UBE3C: variants seen among roughly 807,000 people sequenced by gnomAD.
UBE3C encodes the protein ubiquitin-protein ligase E3C.
A neutral mutation model predicts 129.4 loss-of-function variants in UBE3C; 42 were observed. The ratio of observed to expected loss-of-function variants is 0.32; its 90% CI spans 0.25 to 0.42. The LOEUF (loss-of-function observed/expected upper bound fraction) is 0.42, where lower values mean the gene tolerates loss of function less well. Ranked by LOEUF, UBE3C falls within the 10% of genes least tolerant of loss-of-function variation. UBE3C has a pLI of 1.00. For missense variants in UBE3C, 1,049 were observed against 1,319.1 expected (o/e 0.80, Z 3.17); for synonymous variants, 510 against 492.4 (o/e 1.04, Z -0.47).
intron 6 of UBE3C, among the ~76,000 whole-genome samples, chr7:157,180,571 A>G (rs1808640823): frequency 6.8e-6 from 1 of 146,782 alleles, no homozygotes. Context: ...ATTGTTTTTA[A>G]TGTGCTACCA....
At chr7:157,234,126 T>TC (rs1796092829) in intron 18 of UBE3C, among the ~76,000 whole-genome samples, 1 of 152,046 alleles carries the variant, frequency 6.6e-6, no homozygotes, top group Non-Finnish European at 1.5e-5. Flanking sequence ...GCAAGTATTT[T>TC]CTTCTCTGGA....
At chr7:157,141,957 G>C (rs1447769710) in intron 1 of UBE3C, among the ~76,000 whole-genome samples, 1 of 152,188 alleles carries the variant, frequency 6.6e-6, no homozygotes, top group Non-Finnish European at 1.5e-5. Context: ...TAGATGATAC[G>C]CATGTTCAGC....
intron 19 of UBE3C, among the ~76,000 whole-genome samples, 172 bp from the exon 20 acceptor site, chr7:157,253,782 G>T (rs1349205109): frequency 6.6e-6 from 1 of 152,126 alleles, no homozygotes; most frequent in Non-Finnish European, 1.5e-5. Context: ...CTTCCTGGAG[G>T]TGCATCTTGG....
intron 18 of UBE3C, among the ~76,000 whole-genome samples, chr7:157,237,802 T>C (rs922330721): frequency 6.6e-6 from 1 of 152,052 alleles, no homozygotes; most frequent in African/African-American, 2.4e-5. Context: ...TCCCAGCACT[T>C]TGGGAGGCCG....
intron 19 of UBE3C, among the ~76,000 whole-genome samples, chr7:157,249,551 G>A (rs926529661): frequency 3.3e-5 from 5 of 152,206 alleles, no homozygotes; most frequent in Non-Finnish European, 7.3e-5. Flanking sequence ...GACCTCAGGT[G>A]ATCTGCCTGC....
At chr7:157,197,856 A>G in intron 10 of UBE3C, 1 of 1,608,596 alleles carries the variant, frequency 6.2e-7, no homozygotes, top group Non-Finnish European at 8.5e-7. Context: ...AATAAGAACA[A>G]CCGCGTTAAG....
chr7:157,228,682 C>G (rs116832054), intron 17 of UBE3C, among the ~76,000 whole-genome samples: 5 of 152,274 alleles, frequency 3.3e-5, no homozygotes, highest in Admixed American at 2.6e-4. Flanking sequence ...GTGGCGGGCA[C>G]GGCAGGGCAG....
chr7:157,198,495 C>T, intron 10 of UBE3C: 1 of 398,856 alleles, frequency 2.5e-6, no homozygotes, highest in East Asian at 5.7e-5. Flanking sequence ...GAGCTCAGGG[C>T]CGCCGCCCTC....
chr7:157,139,870 G>A (rs1291940823), intron 1 of UBE3C: 2 of 451,272 alleles, frequency 4.4e-6, no homozygotes, highest in South Asian at 9.3e-5. Context: ...TGCTGATGTC[G>A]ATAATCTCTA....
chr7:157,241,261 A>G (rs994060079), intron 18 of UBE3C, among the ~76,000 whole-genome samples: 1 of 152,248 alleles, frequency 6.6e-6, no homozygotes. Context: ...CCAGGAGCAC[A>G]AAAAACAAAA....
intron 13 of UBE3C, among the ~76,000 whole-genome samples, chr7:157,208,374 C>G (rs1255650075): frequency 3.3e-5 from 5 of 151,456 alleles, no homozygotes; most frequent in African/African-American, 1.2e-4. Context: ...CTGCAGCTGG[C>G]CTATATACCT....
At chr7:157,188,916 G>T in intron 10 of UBE3C, 1 of 651,924 alleles carries the variant, frequency 1.5e-6, no homozygotes, top group African/African-American at 1.8e-5. Context: ...GTTAGGATTT[G>T]CCATTTAATT....
chr7:157,257,793 T>C (rs2116701837), intron 22 of UBE3C, among the ~76,000 whole-genome samples: 1 of 150,234 alleles, frequency 6.7e-6, no homozygotes, highest in East Asian at 2.0e-4. Context: ...TCATAATTCC[T>C]GTATTCACTG....
intron 13 of UBE3C, among the ~76,000 whole-genome samples, chr7:157,216,568 TATC>T (rs1349098632): frequency 2.0e-5 from 3 of 152,144 alleles, no homozygotes; most frequent in Non-Finnish European, 4.4e-5. Flanking sequence ...CATGGGTTCT[TATC>T]ATGTAGCTCC....
chr7:157,162,002 A>G (rs1808083722), intron 1 of UBE3C, among the ~76,000 whole-genome samples: 1 of 151,710 alleles, frequency 6.6e-6, no homozygotes, highest in Non-Finnish European at 1.5e-5. Flanking sequence ...ACCGGGAGGC[A>G]GAGGTTGCAG....
chr7:157,141,503 A>G (rs182035696), intron 1 of UBE3C, among the ~76,000 whole-genome samples: 55 of 152,308 alleles, frequency 3.6e-4, no homozygotes, highest in Non-Finnish European at 7.2e-4. Context: ...CGTTGCCCCT[A>G]TGCTACACAC....
Position 157,146,218 on chromosome 7 carries a change from C to G in UBE3C, c.66+6880C>G, listed in dbSNP as rs141073306. 1.4e-4 allele frequency among the ~76,000 whole-genome samples: 21 copies of G among 152,110 alleles called. No individual in the cohort carries two copies. In the East Asian group the frequency reaches 3.9e-3, roughly 28 times the overall value. On this transcript the variant is annotated intron_variant, in intron 1 of 22. Transcript: ENST00000348165. ...CTGCCTTTGCTCCTTTGTCAAAGAT[C>G]AGTTGGCTATATTTTTATGGATCTA...
intron 2 of UBE3C, among the ~76,000 whole-genome samples, chr7:157,164,168 T>C (rs1808150716): frequency 6.6e-6 from 1 of 151,838 alleles, no homozygotes; most frequent in Non-Finnish European, 1.5e-5. Context: ...TTTTCTTCTC[T>C]TTTTTTTAAG....
intron 17 of UBE3C, among the ~76,000 whole-genome samples, chr7:157,227,210 T>A (rs759175965): frequency 3.3e-5 from 5 of 152,006 alleles, no homozygotes; most frequent in Non-Finnish European, 5.9e-5. Flanking sequence ...AAGAGTGAGA[T>A]GTTTAACCTT....
Sources: gnomAD v4.1 joint callset for allele counts (sites outside exome capture counted in the v4.1 genomes callset) on GRCh38, gnomAD v4.1.1 for gene constraint, MANE v1.5 for transcripts, NCBI Gene and HGNC (gene_info 2026-07-23, HGNC 2026-07-21) for gene names.